The following CTPS1 variants were observed in gnomAD, a reference collection of about 807,000 sequenced individuals.
CTPS1 encodes the protein CTP synthase 1, also known as CTP synthetase 1.
In CTPS1, 25 loss-of-function variants were observed where a neutral mutation model predicts 80.5. The observed-to-expected ratio is 0.31, with a 90% confidence interval of 0.23 to 0.43. The LOEUF is 0.43. CTPS1 is among the 20% of genes least tolerant of loss of function. The pLI, the probability that CTPS1 is intolerant of heterozygous loss-of-function variation, is 1.00. For missense variants in CTPS1, 442 were observed against 725.7 expected, an observed-to-expected ratio of 0.61 and a Z score of 4.49; for synonymous variants, 267 against 252.5, an observed-to-expected ratio of 1.06 and a Z score of -0.54.
chr1:41,008,700 C>T lies in CTPS1; in HGVS notation c.1435C>T (p.Arg479Cys), dbSNP rs767772882. The T allele has an allele frequency of 1.2e-6, 2 of 1,614,112 alleles. No individual in the cohort carries two copies. The highest frequency in any genetic ancestry group is 1.7e-5 in the Admixed American group (1 of 60,010). Residue 479 changes from arginine to cysteine, a missense_variant, in exon 15 of 19, where the codon CGC becomes TGC. Transcript: ENST00000650070. ...GDADYLEERH[R>C]HRFEVNPVWK... Reference sequence around the variant, plus strand: ...CGCAGACTACTTGGAAGAGAGGCACCGCCACCGATTTGAGGTGAGGATTCC... The same window carrying T: ...CGCAGACTACTTGGAAGAGAGGCACTGCCACCGATTTGAGGTGAGGATTCC...
At chr1:41,004,294 G>A (rs564892332) in intron 12 of CTPS1, 3 of 152,236 alleles carry the variant, frequency 2.0e-5, no homozygotes, top group African/African-American at 7.2e-5. Flanking sequence ...GACTCTGGTG[G>A]CCAGCATATG....
At position 41,007,862 on chromosome 1, in the gene CTPS1, T is replaced by G. The variant is rs528153783; in HGVS notation, c.1393+317T>G. Among the ~76,000 whole-genome samples the G allele has an allele frequency of 6.6e-6, 1 of 152,234 alleles. No homozygotes were observed. Among genetic ancestry groups the G allele is most frequent in the East Asian group, 1.9e-4 (1 of 5,200 alleles). ...TAAGACCAGCCATATCAATTGCTGA[T>G]GTTTGGCAATTTTTGTCACACAAAG... On this transcript the variant is annotated intron_variant, in intron 14 of 18. Transcript: ENST00000650070. The surrounding 1 kb of genome is among the most constrained non-coding windows in gnomAD (Gnocchi z 4.4).
intron 5 of CTPS1, among the ~76,000 whole-genome samples, chr1:40,990,178 G>C (rs1309237214): frequency 3.9e-5 from 6 of 152,156 alleles, no homozygotes; most frequent in Non-Finnish European, 8.8e-5. Flanking sequence ...TTGAATACTT[G>C]TGGCAGAGAC....
chr1:41,010,242 C>T lies in CTPS1; in HGVS notation c.1773C>T (p.Asp591=), dbSNP rs781586924. 6 of 1,611,136 alleles carry T rather than the reference C, an allele frequency of 3.7e-6. No individual in the cohort carries two copies. Among genetic ancestry groups the T allele is most frequent in the Non-Finnish European group, 5.1e-6 (6 of 1,177,294 alleles). Residue 591 remains aspartate (D), a synonymous_variant, in exon 18 of 19, where the codon GAC becomes GAT. Transcript: ENST00000650070. ...TELKFPSINH[D] is the part of the protein sequence containing the mutation. ...TGAAGTTTCCATCAATAAATCATGACTGATCTTGTAGCGTAAGTGGTACTT... is the reference window on the plus strand; with the variant it reads ...TGAAGTTTCCATCAATAAATCATGATTGATCTTGTAGCGTAAGTGGTACTT...
At chr1:40,988,436 C>G (rs187281750) in intron 4 of CTPS1, 158 bp from the exon 5 acceptor site, 41 of 624,428 alleles carry the variant, frequency 6.6e-5, no homozygotes, top group Admixed American at 3.6e-4. Flanking sequence ...AAAGAGTTGT[C>G]TAATTCCTGT....
At chr1:40,999,798 A>G (rs190816908) in intron 9 of CTPS1, among the ~76,000 whole-genome samples, 60 of 152,318 alleles carry the variant, frequency 3.9e-4, no homozygotes, top group African/African-American at 1.4e-3. Flanking sequence ...TAGCCTGTCA[A>G]TGGATCAATT....
chr1:40,983,857 G>T (rs1354097268), intron 2 of CTPS1, among the ~76,000 whole-genome samples: 2 of 152,120 alleles, frequency 1.3e-5, no homozygotes, highest in Non-Finnish European at 2.9e-5. Flanking sequence ...CCTCCCACCT[G>T]TAATCCCAAA....
chr1:41,011,626 A>G (rs944432681), intron 18 of CTPS1, 32 bp from the exon 19 acceptor site: 3 of 152,220 alleles, frequency 2.0e-5, no homozygotes, highest in Admixed American at 6.5e-5. Flanking sequence ...TGTACATCAT[A>G]TAATTCCCAC....
rs1032156922 is a variant in CTPS1, at chr1:40,991,218, A to G, written c.609A>G (p.Glu203=). Residue 203 remains glutamate (E), a synonymous_variant, in exon 6 of 19, where the codon GAA becomes GAG. Coordinates refer to ENST00000650070, the MANE Select transcript of CTPS1 (RefSeq NM_001905.4). The part of the protein sequence containing the change: ...KTKPTQNSVR[E]LRGLGLSPDL... ...AACCTACCCAGAATAGTGTTCGGGAACTTAGAGGACTTGGGCTTTCCCCAG... is the reference window on the plus strand; with the variant it reads ...AACCTACCCAGAATAGTGTTCGGGAGCTTAGAGGACTTGGGCTTTCCCCAG... 13 of 1,593,436 alleles carry G rather than the reference A, an allele frequency of 8.2e-6. No individual in the cohort carries two copies. The highest frequency in any genetic ancestry group is 4.1e-5 in the African/African-American group (3 of 73,298).
intron 8 of CTPS1, among the ~76,000 whole-genome samples, chr1:40,996,516 C>T (rs1642755824): frequency 6.6e-6 from 1 of 152,192 alleles, no homozygotes; most frequent in Non-Finnish European, 1.5e-5. Context: ...GGATGTGTTG[C>T]TGCCTACTCC....
intron 5 of CTPS1, among the ~76,000 whole-genome samples, chr1:40,989,658 T>G (rs1034720248): frequency 6.6e-6 from 1 of 151,788 alleles, no homozygotes; most frequent in Admixed American, 6.6e-5. Context: ...AGAAAGAAAC[T>G]TACAGGGAAC....
intron 12 of CTPS1, chr1:41,003,957 TC>T (rs1401044955): frequency 2.0e-5 from 3 of 152,268 alleles, no homozygotes; most frequent in African/African-American, 7.2e-5. Flanking sequence ...CATTCATTAA[TC>T]CAGCCCAAGC....
chr1:41,009,072 A>T (rs1298181665), intron 16 of CTPS1, among the ~76,000 whole-genome samples, 182 bp downstream of exon 16: 2 of 152,194 alleles, frequency 1.3e-5, no homozygotes, highest in Admixed American at 6.5e-5. Flanking sequence ...TTTCTGGTAC[A>T]TGGCCTTCCT....
At chr1:40,982,902 G>A (rs1452088949) in intron 1 of CTPS1, among the ~76,000 whole-genome samples, 2 of 152,170 alleles carry the variant, frequency 1.3e-5, no homozygotes, top group African/African-American at 4.8e-5. Flanking sequence ...AAATAATGAG[G>A]CACCTGCCTG....
intron 18 of CTPS1, among the ~76,000 whole-genome samples, chr1:41,011,104 G>A (rs1431827573): frequency 3.3e-5 from 5 of 152,204 alleles, no homozygotes; most frequent in Admixed American, 6.5e-5. Context: ...GGTCAGTGCC[G>A]GTCTGACCTG....
intron 2 of CTPS1, among the ~76,000 whole-genome samples, chr1:40,984,033 T>G (rs1362378258): frequency 5.9e-5 from 9 of 152,242 alleles, no homozygotes; most frequent in African/African-American, 2.2e-4. Context: ...GTTTTAAAAT[T>G]CTGCATTCGT....
intron 8 of CTPS1, 38 bp from the exon 9 acceptor site, chr1:40,997,356 T>C: frequency 6.2e-7 from 1 of 1,602,936 alleles, no homozygotes; most frequent in Non-Finnish European, 8.5e-7. Flanking sequence ...GCGTGTACCT[T>C]CTGAGTAATT....
chr1:40,998,115 G>T (rs1013441585), intron 9 of CTPS1, among the ~76,000 whole-genome samples: 2 of 152,090 alleles, frequency 1.3e-5, no homozygotes, highest in African/African-American at 4.8e-5. Context: ...CATGGATGCC[G>T]TGGCTAGGCG....
intron 8 of CTPS1, among the ~76,000 whole-genome samples, chr1:40,996,687 A>G (rs1281665223): frequency 2.0e-5 from 3 of 152,152 alleles, no homozygotes; most frequent in African/African-American, 7.2e-5. Context: ...TGTGAGAATC[A>G]TTTTTCATTT....
Sources: gnomAD v4.1 joint callset for allele counts (sites outside exome capture counted in the v4.1 genomes callset) on GRCh38, gnomAD v4.1.1 for gene constraint, Gnocchi (gnomAD v3.1) non-coding constraint, MANE v1.5 for transcripts, NCBI Gene and HGNC (gene_info 2026-07-23, HGNC 2026-07-21) for gene names.